The following CD80 variants were observed in gnomAD, a reference collection of about 807,000 sequenced individuals.
The protein encoded by CD80 is CD80 molecule.
A neutral mutation model predicts 27.1 loss-of-function variants in CD80; 13 were observed. That is an observed-to-expected ratio of 0.48 (90% confidence interval 0.31 to 0.76). The LOEUF (loss-of-function observed/expected upper bound fraction) is 0.76. CD80 is among the 30% of genes least tolerant of loss of function. The pLI is 0.04. For missense variants in CD80, 277 were observed against 347.9 expected (o/e 0.80, Z 1.62); for synonymous variants, 125 against 125.5 (o/e 1.00, Z 0.03).
chr3:119,535,210 C>A (rs1318634486), intron 4 of CD80, among the ~76,000 whole-genome samples: 1 of 147,902 alleles, frequency 6.8e-6, no homozygotes, highest in Non-Finnish European at 1.5e-5. Context: ...AAAAAAAAAT[C>A]TGCTGTAACA....
intron 2 of CD80, among the ~76,000 whole-genome samples, chr3:119,550,771 A>G (rs1381209487): frequency 6.6e-6 from 1 of 152,108 alleles, no homozygotes; most frequent in African/African-American, 2.4e-5. Flanking sequence ...TCAAAATGAG[A>G]TACTGCTCAT....
chr3:119,549,443 C>G (rs2082219103), intron 2 of CD80, among the ~76,000 whole-genome samples: 1 of 152,198 alleles, frequency 6.6e-6, no homozygotes, highest in African/African-American at 2.4e-5. Context: ...AGCAGCATCC[C>G]TCTAAGGCCC....
At position 119,554,775 on chromosome 3, in the gene CD80, C is replaced by T. The variant is rs571406944; in HGVS notation, c.100+2854G>A. Among the ~76,000 whole-genome samples the T allele has an allele frequency of 3.9e-5, 6 of 152,300 alleles. No individual in the cohort carries two copies. The South Asian group carries it at 1.0e-3, about 26-fold the overall frequency. ...CCATGCACACTCACACCTACACTCC[C>T]GTTGAGCAGTCCTCACTAATTTTAC... On this transcript the variant is annotated intron_variant, in intron 2 of 6. Transcript: ENST00000264246.
intron 3 of CD80, among the ~76,000 whole-genome samples, chr3:119,542,208 C>T (rs2082173676): frequency 6.6e-6 from 1 of 151,628 alleles, no homozygotes; most frequent in African/African-American, 2.4e-5. Context: ...TTCTTAGTAC[C>T]CCTCAAATCA....
chr3:119,545,401 T>A (rs1443118713), intron 2 of CD80, among the ~76,000 whole-genome samples: 5 of 152,178 alleles, frequency 3.3e-5, no homozygotes, highest in Admixed American at 3.3e-4. Context: ...TTTTTAAGTG[T>A]ACAGTTCAGT....
intron 5 of CD80, 29 bp from the exon 6 acceptor site, chr3:119,527,870 G>C: frequency 6.3e-7 from 1 of 1,584,292 alleles, no homozygotes; most frequent in Non-Finnish European, 8.7e-7. Context: ...CAATAAAAAT[G>C]ATAAGTAAGT....
At chr3:119,526,054 T>G (rs2082064446) in intron 6 of CD80, among the ~76,000 whole-genome samples, 1 of 151,986 alleles carries the variant, frequency 6.6e-6, no homozygotes, top group Non-Finnish European at 1.5e-5. Context: ...CTCTGGCAAT[T>G]TTTGTCACAT....
intron 4 of CD80, 57 bp from the exon 5 acceptor site, chr3:119,529,994 A>G (rs907897783): frequency 9.7e-6 from 12 of 1,236,402 alleles, no homozygotes; most frequent in Non-Finnish European, 1.4e-5. Flanking sequence ...CCTGATACTC[A>G]TTCTGTGCCT....
chr3:119,540,079 A>T (rs2082158979), intron 3 of CD80, among the ~76,000 whole-genome samples: 1 of 152,190 alleles, frequency 6.6e-6, no homozygotes, highest in South Asian at 2.1e-4. Context: ...CAGCCTCCAG[A>T]GTAGCTGGGA....
intron 1 of CD80, among the ~76,000 whole-genome samples, chr3:119,558,785 A>T (rs1328059009): frequency 6.8e-6 from 1 of 146,846 alleles, no homozygotes; most frequent in Non-Finnish European, 1.5e-5. Context: ...AAAAAAAAAA[A>T]TTATGTACTG....
rs775372387 is a variant in CD80 at position 119,537,364 on chromosome 3, C to T, written c.473G>A (p.Arg158Lys). The change falls in exon 4 of 7, where the codon AGA (arginine) becomes AAA (lysine). Residue 158 changes from arginine (R) to lysine (K), a missense_variant. Coordinates refer to ENST00000264246, the MANE Select transcript of CD80 (RefSeq NM_005191.4). Reference sequence around the variant, plus strand: ...TCCAGAGGTTGAGCAAATTATCCTTCTAATATTAGAAGTTGGAATTTCAAA... The same window carrying T: ...TCCAGAGGTTGAGCAAATTATCCTTTTAATATTAGAAGTTGGAATTTCAAA... ...SDFEIPTSNIRRIICSTSGGF... is the reference protein window; with the variant it reads ...SDFEIPTSNIKRIICSTSGGF... 1.9e-6 allele frequency: 3 copies of T among 1,613,142 alleles called. No homozygotes were observed. Among genetic ancestry groups the T allele is most frequent in the Non-Finnish European group, 2.5e-6 (3 of 1,179,150 alleles).
chr3:119,552,655 G>A (rs1434743826), intron 2 of CD80, among the ~76,000 whole-genome samples: 1 of 151,422 alleles, frequency 6.6e-6, no homozygotes, highest in Non-Finnish European at 1.5e-5. Flanking sequence ...AGGCAACATA[G>A]CAAAAACCCC....
intron 2 of CD80, among the ~76,000 whole-genome samples, chr3:119,553,440 G>C (rs2082245221): frequency 6.6e-6 from 1 of 152,116 alleles, no homozygotes; most frequent in South Asian, 2.1e-4. Flanking sequence ...GTGCCTGGCT[G>C]AATTGTATAC....
At chr3:119,545,499 C>T (rs1274149932) in intron 2 of CD80, among the ~76,000 whole-genome samples, 3 of 151,998 alleles carry the variant, frequency 2.0e-5, no homozygotes. Flanking sequence ...TTAAACAACT[C>T]CCCTTTCCCC....
In CD80 at chr3:119,530,304, T is replaced by A. The variant is rs79560726; in HGVS notation, c.701-367A>T. ...GATGTTGTGTTCTAGGTATACTTTA[T>A]TTTTCCTTCTCTAGCTCTGTCGTGC... On this transcript the variant is annotated intron_variant, in intron 4 of 6. Coordinates refer to ENST00000264246, the MANE Select transcript of CD80 (RefSeq NM_005191.4). 2.2e-3 allele frequency among the ~76,000 whole-genome samples: 329 copies of A among 152,282 alleles called. 2 individuals are homozygous for A. The highest frequency in any genetic ancestry group is 7.7e-3 in the African/African-American group (318 of 41,552).
chr3:119,544,738 A>T lies in CD80; in HGVS notation c.230T>A (p.Met77Lys). The T allele has an allele frequency of 6.2e-7, 1 of 1,614,234 alleles. No individual in the cohort carries two copies. The highest frequency in any genetic ancestry group is 8.5e-7 in the Non-Finnish European group (1 of 1,180,036). ...GGGCCATATATTCATGTCCCCAGACATCATAGTCAGCACCATTTTCTTCTC... is the reference window on the plus strand; with the variant it reads ...GGGCCATATATTCATGTCCCCAGACTTCATAGTCAGCACCATTTTCTTCTC... ...QKEKKMVLTM[M>K]SGDMNIWPEY... The change falls in exon 3 of 7, where the codon ATG (methionine) becomes AAG (lysine). Residue 77 changes from methionine (M) to lysine (K), a missense_variant. Coordinates refer to ENST00000264246, the MANE Select transcript of CD80 (RefSeq NM_005191.4).
At chr3:119,537,109 A>G in intron 4 of CD80, 28 bp downstream of exon 4, 1 of 1,592,804 alleles carries the variant, frequency 6.3e-7, no homozygotes, top group Non-Finnish European at 8.6e-7. Context: ...TCGATATAGT[A>G]GAAACTCCCC....
At chr3:119,545,151 C>A (rs976773790) in intron 2 of CD80, among the ~76,000 whole-genome samples, 1 of 152,044 alleles carries the variant, frequency 6.6e-6, no homozygotes, top group African/African-American at 2.4e-5. Flanking sequence ...CGAGACCAGC[C>A]GGGCCAACAT....
Position 119,535,000 on chromosome 3 carries a change from T to G in CD80, c.700+2137A>C, listed in dbSNP as rs1422072456. 2.0e-5 allele frequency among the ~76,000 whole-genome samples: 3 copies of G among 152,154 alleles called. 1 individual carries two copies. The South Asian group carries it at 6.2e-4, about 32-fold the overall frequency. On this transcript the variant is annotated intron_variant, in intron 4 of 6. Transcript: ENST00000264246. ...TAAGGTCGAGAGTTCAAGACCAGCC[T>G]GACCAACGTGGTGAAACTCCATCTC...
Sources: allele counts gnomAD v4.1 joint callset (sites outside exome capture counted in the v4.1 genomes callset), GRCh38; gene constraint gnomAD v4.1.1; transcripts MANE v1.5; gene names NCBI Gene and HGNC (gene_info 2026-07-23, HGNC 2026-07-21).